The following CDH1 variants were observed in gnomAD, a reference collection of about 807,000 sequenced individuals.
The protein encoded by CDH1 is cadherin-1.
Under a neutral mutation model 84.5 loss-of-function variants are expected in CDH1, and 35 were observed. The observed-to-expected ratio is 0.41, with a 90% confidence interval of 0.32 to 0.55. The LOEUF (loss-of-function observed/expected upper bound fraction) is 0.55. CDH1 is among the 20% of genes least tolerant of loss of function. CDH1 has a pLI of 0.19. For missense variants in CDH1, 994 were observed against 1,126.6 expected (o/e 0.88, Z 1.68); for synonymous variants, 417 against 439.0 (o/e 0.95, Z 0.63).
At chr16:68,803,018 G>A (rs1447242947) in intron 3 of CDH1, among the ~76,000 whole-genome samples, 1 of 152,146 alleles carries the variant, frequency 6.6e-6, no homozygotes, top group Admixed American at 6.5e-5. Context: ...AATGTTTCTA[G>A]GGGTTGTTAT....
At chr16:68,755,329 G>T (rs1184675872) in intron 2 of CDH1, among the ~76,000 whole-genome samples, 1 of 149,848 alleles carries the variant, frequency 6.7e-6, no homozygotes, top group Non-Finnish European at 1.5e-5. Context: ...ATCTTGAGGG[G>T]ACTGGACTTC....
chr16:68,795,991 G>A (rs1009300151), intron 2 of CDH1, among the ~76,000 whole-genome samples: 1 of 151,514 alleles, frequency 6.6e-6, no homozygotes, highest in Admixed American at 6.6e-5. Flanking sequence ...GTGAAACCCC[G>A]TCTCTACTAA....
chr16:68,818,631 G>C (rs1172995854), intron 10 of CDH1, among the ~76,000 whole-genome samples: 1 of 150,250 alleles, frequency 6.7e-6, no homozygotes, highest in African/African-American at 2.4e-5. Context: ...TGCGGATCAT[G>C]AGGTCAGGAG....
At chr16:68,823,766 C>A in intron 13 of CDH1, 140 bp downstream of exon 13, 1 of 654,074 alleles carries the variant, frequency 1.5e-6, no homozygotes, top group Non-Finnish European at 2.7e-6. Flanking sequence ...TTATGCCAGC[C>A]TCCATAAAAT....
intron 2 of CDH1, among the ~76,000 whole-genome samples, chr16:68,761,930 G>T (rs1036037503): frequency 3.9e-5 from 6 of 152,182 alleles, no homozygotes; most frequent in South Asian, 2.1e-4. Context: ...TCTTTCACTT[G>T]GGACTCCTCT....
intron 3 of CDH1, among the ~76,000 whole-genome samples, chr16:68,804,303 C>G (rs899765372): frequency 6.6e-6 from 1 of 151,604 alleles, no homozygotes; most frequent in South Asian, 2.1e-4. Flanking sequence ...TTAGTAGAGA[C>G]GGGGTTTCAC....
intron 6 of CDH1, 74 bp downstream of exon 6, chr16:68,810,415 C>A (rs1960789631): frequency 1.4e-6 from 2 of 1,452,722 alleles, no homozygotes; most frequent in Non-Finnish European, 1.9e-6. Context: ...GTTGTCCAAG[C>A]CCAAAGGTTG....
chr16:68,765,480 C>T (rs1356365652), intron 2 of CDH1: 3 of 152,300 alleles, frequency 2.0e-5, no homozygotes, highest in Admixed American at 6.5e-5. Flanking sequence ...GCCACTGCGC[C>T]TGGCTGCTTT....
Position 68,775,125 on chromosome 16 carries a change from CAAA to C in CDH1, c.164-26531_164-26529del, listed in dbSNP as rs58497601. On this transcript the variant is annotated intron_variant, in intron 2 of 15. Coordinates refer to ENST00000261769, the MANE Select transcript of CDH1 (RefSeq NM_004360.5). ...TGGGTGATAGGGCAAGGCCCTGTCT[CAAA>C]AAAAAAAAAAAAAGAAAAAAGAACA... Among the ~76,000 whole-genome samples, 117 of 108,126 alleles carry C rather than the reference CAAA, an allele frequency of 1.1e-3. 1 individual carries two copies. The South Asian group carries it at 0.014, about 13-fold the overall frequency. 70.9% of individuals were successfully genotyped at this position (108,126 alleles called of 152,430 possible). A position where few individuals can be genotyped will look rare whatever the true frequency, so the allele number is the denominator to read the frequency against.
Position 68,808,761 on chromosome 16 carries a change from C to T in CDH1, c.600C>T (p.Pro200=), listed in dbSNP as rs973385466. 1.9e-6 allele frequency: 3 copies of T among 1,614,042 alleles called. No individual in the cohort carries two copies. The highest frequency in any genetic ancestry group is 2.5e-6 in the Non-Finnish European group (3 of 1,179,940). The stretch of plus-strand genomic sequence containing the variant: ...TCACTGGCCAAGGAGCTGACACACC[C>T]CCTGTTGGTGTCTTTATTATTGAAA... ...YSITGQGADT[P]PVGVFIIERE... is the part of the protein sequence containing the mutation. The change falls in exon 5 of 16, where the codon CCC becomes CCT. Residue 200 remains proline (P), a synonymous_variant. Coordinates refer to ENST00000261769, the MANE Select transcript of CDH1 (RefSeq NM_004360.5).
intron 2 of CDH1, among the ~76,000 whole-genome samples, chr16:68,794,964 T>C (rs1193886631): frequency 6.6e-6 from 1 of 152,024 alleles, no homozygotes; most frequent in East Asian, 1.9e-4. Context: ...AGTGCTGGGA[T>C]TACAGGCGTG....
At chr16:68,799,366 G>A (rs2152125579) in intron 2 of CDH1, among the ~76,000 whole-genome samples, 1 of 152,292 alleles carries the variant, frequency 6.6e-6, no homozygotes, top group South Asian at 2.1e-4. Flanking sequence ...GGGAGGGAGG[G>A]TCAGGTGGGC....
intron 3 of CDH1, among the ~76,000 whole-genome samples, chr16:68,806,809 G>A (rs1208106606): frequency 6.6e-6 from 1 of 152,232 alleles, no homozygotes; most frequent in Non-Finnish European, 1.5e-5. Context: ...AGGCTGGGCT[G>A]CCTCTCTAGG....
rs876661106 is a variant in CDH1, at chr16:68,801,843, A to G, written c.337A>G (p.Lys113Glu). Residue 113 changes from lysine (K) to glutamate (E), a missense_variant, in exon 3 of 16, where the codon AAA (lysine) becomes GAA (glutamate). Physicochemically the swap from Lys to Glu is moderately conservative, Grantham distance 56. This residue lies in a region of CDH1 where 203 missense variants were observed against 194.0 expected (regional missense o/e 1.05). Transcript: ENST00000261769. The stretch of plus-strand genomic sequence containing the variant: ...CTCCACCTACAGAAAGTTTTCCACC[A>G]AAGTCACGCTGAATACAGTGGGGCA... The part of the protein sequence containing the change: ...WDSTYRKFST[K>E]VTLNTVGHHH... The G allele has an allele frequency of 3.7e-6, 6 of 1,614,108 alleles. No individual in the cohort carries two copies. The highest frequency in any genetic ancestry group is 5.1e-6 in the Non-Finnish European group (6 of 1,180,048).
rs573760489 is a variant in CDH1 at position 68,835,165 on chromosome 16, C to T, written c.*1666C>T. ...TTAGGAGCAAGAAGAAAATGTGGCC[C>T]TAAAGGGGGTTAGTTGAGGGGTAGG... is the stretch of plus-strand genomic sequence containing the variant. On this transcript the variant is annotated 3_prime_UTR_variant, in exon 16 of 16. Transcript: ENST00000261769. The T allele has an allele frequency of 1.7e-5, 4 of 231,314 alleles. No individual in the cohort carries two copies. Among genetic ancestry groups the T allele is most frequent in the Non-Finnish European group, 3.4e-5 (4 of 116,892 alleles). 14.3% of individuals were successfully genotyped at this position (231,314 alleles called of 1,614,324 possible).
chr16:68,788,741 G>C (rs1040547717), intron 2 of CDH1, among the ~76,000 whole-genome samples: 1 of 152,124 alleles, frequency 6.6e-6, no homozygotes, highest in Non-Finnish European at 1.5e-5. Context: ...GCTCACGCCT[G>C]TAATCTCAAC....
chr16:68,817,822 A>T (rs1185682225), intron 10 of CDH1, among the ~76,000 whole-genome samples: 1 of 152,228 alleles, frequency 6.6e-6, no homozygotes, highest in Non-Finnish European at 1.5e-5. Context: ...ACGAAAGGCC[A>T]TATTGGATCC....
chr16:68,788,539 T>TTAAAAA (rs1432625291), intron 2 of CDH1, among the ~76,000 whole-genome samples: 57 of 152,204 alleles, frequency 3.7e-4, no homozygotes, highest in Non-Finnish European at 7.6e-4. Context: ...CTTCTTTCAC[T>TTAAAAA]CGGTGTAATG....
chr16:68,812,373 G>A, intron 8 of CDH1, 110 bp downstream of exon 8: 2 of 1,196,614 alleles, frequency 1.7e-6, no homozygotes, highest in South Asian at 2.4e-5. Flanking sequence ...CTCCAGACTA[G>A]AGAATGTTAA....
Sources: allele counts gnomAD v4.1 joint callset (sites outside exome capture counted in the v4.1 genomes callset), GRCh38; gene constraint gnomAD v4.1.1; regional missense constraint gnomAD v4.1.1; transcripts MANE v1.5; gene names NCBI Gene and HGNC (gene_info 2026-07-23, HGNC 2026-07-21).